KLHL13: variants seen among roughly 807,000 people sequenced by gnomAD.
The protein encoded by KLHL13 is kelch-like protein 13.
KLHL13 carries 10 observed loss-of-function variants against 37.1 expected under a neutral mutation model. The ratio of observed to expected loss-of-function variants is 0.27; its 90% CI spans 0.17 to 0.46. The LOEUF is 0.46. Among genes scored for constraint, KLHL13 ranks in the 20% least tolerant of loss-of-function variants. KLHL13 has a pLI of 1.00. For missense variants in KLHL13, 360 were observed against 509.3 expected (o/e 0.71, Z 2.82); for synonymous variants, 163 against 181.2 (o/e 0.90, Z 0.81).
intron 1 of KLHL13, among the ~76,000 whole-genome samples, chrX:118,060,318 T>C (rs1054023772): frequency 9.0e-6 from 1 of 111,192 alleles, no homozygotes; most frequent in African/African-American, 3.3e-5. Context: ...TACTATGACT[T>C]TGTAAAGTGT....
chrX:118,017,492 T>C, intron 1 of KLHL13, among the ~76,000 whole-genome samples: 1 of 111,520 alleles, frequency 9.0e-6, no homozygotes, highest in East Asian at 2.8e-4. Context: ...AATTGGTTAT[T>C]GCAGGACGTC....
At chrX:117,963,533 T>G (rs973934116) in intron 1 of KLHL13, among the ~76,000 whole-genome samples, 1 of 109,136 alleles carries the variant, frequency 9.2e-6, no homozygotes, top group Non-Finnish European at 1.9e-5. Flanking sequence ...AACATACGTG[T>G]GCATGTGTCT....
At chrX:117,910,355 A>G (rs894379071) in intron 4 of KLHL13, among the ~76,000 whole-genome samples, 2 of 111,438 alleles carry the variant, frequency 1.8e-5, no homozygotes, top group African/African-American at 3.3e-5. Context: ...AAACAATGTT[A>G]TAACTGGAAT....
At chrX:118,097,061 T>A (rs1224771041) in intron 1 of KLHL13, among the ~76,000 whole-genome samples, 2 of 110,864 alleles carry the variant, frequency 1.8e-5, no homozygotes, top group East Asian at 2.8e-4. Context: ...TCAACATAGT[T>A]TTGGAAGTTC....
At chrX:117,961,449 A>C (rs2147859731) in intron 1 of KLHL13, among the ~76,000 whole-genome samples, 1 of 112,153 alleles carries the variant, frequency 8.9e-6, no homozygotes, top group South Asian at 3.7e-4. Context: ...AGATACAACA[A>C]ATGACCTCCT....
chrX:118,073,858 T>C, intron 1 of KLHL13, among the ~76,000 whole-genome samples: 1 of 111,651 alleles, frequency 9.0e-6, no homozygotes, highest in East Asian at 2.8e-4. Flanking sequence ...CCCTCGTATC[T>C]GTCAGGGAGG....
At chrX:117,908,340 C>T (rs1930703707) in intron 5 of KLHL13, among the ~76,000 whole-genome samples, 2 of 108,745 alleles carry the variant, frequency 1.8e-5, no homozygotes, top group Non-Finnish European at 3.8e-5. Context: ...GTTTGCTGCA[C>T]CCATCAACCT....
At position 118,021,240 on chromosome X, in the gene KLHL13, C is replaced by CT. The variant is rs953345910; in HGVS notation, c.-55-75666dup. Among the ~76,000 whole-genome samples, 6 of 105,465 alleles carry CT rather than the reference C, an allele frequency of 5.7e-5. No homozygotes were observed. The East Asian group carries it at 9.1e-4, about 16-fold the overall frequency. 91.6% of individuals were successfully genotyped at this position (105,465 alleles called of 115,157 possible). A position where few individuals can be genotyped will look rare whatever the true frequency, so the allele number is the denominator to read the frequency against. ...ATGTTGTTGTAAATGGCATTATCTC[C>CT]TTTTTTTTTATTATTATACTTTAAG... On this transcript the variant is annotated intron_variant, in intron 1 of 6. Transcript: ENST00000371882.
At chrX:118,115,596 T>C (rs1812134880) in intron 1 of KLHL13, among the ~76,000 whole-genome samples, 1 of 112,424 alleles carries the variant, frequency 8.9e-6, no homozygotes, top group Non-Finnish European at 1.9e-5. Context: ...TGAGCGACTT[T>C]ATCCCAAACC....
intron 6 of KLHL13, among the ~76,000 whole-genome samples, chrX:117,901,053 C>T (rs142156667): frequency 0.053 from 5,942 of 111,258 alleles, 393 homozygotes; most frequent in African/African-American, 0.18. Context: ...GCATAAAATA[C>T]AGATAATCAG....
At chrX:117,964,711 A>AT (rs2147873255) in intron 1 of KLHL13, among the ~76,000 whole-genome samples, 2 of 111,235 alleles carry the variant, frequency 1.8e-5, no homozygotes, top group South Asian at 7.6e-4. Flanking sequence ...AACATTAGGC[A>AT]TATCTCCTAA....
At chrX:117,941,075 T>C (rs1465043230) in intron 2 of KLHL13, among the ~76,000 whole-genome samples, 2 of 111,920 alleles carry the variant, frequency 1.8e-5, no homozygotes, top group African/African-American at 6.5e-5. Flanking sequence ...ATATTGGCTG[T>C]GGGTTTGTCA....
chrX:118,094,542 T>G (rs1206066907), intron 1 of KLHL13, among the ~76,000 whole-genome samples: 1 of 109,331 alleles, frequency 9.1e-6, no homozygotes, highest in African/African-American at 3.3e-5. Context: ...ACAGAGAACG[T>G]CACAAAGATA....
intron 1 of KLHL13, among the ~76,000 whole-genome samples, chrX:118,102,961 C>T (rs747566163): frequency 1.2e-4 from 13 of 112,078 alleles, no homozygotes; most frequent in Non-Finnish European, 1.9e-4. Flanking sequence ...TTATGTGATA[C>T]TTTCTCATTC....
chrX:117,995,090 G>A (rs139035824), intron 1 of KLHL13, among the ~76,000 whole-genome samples: 6,169 of 111,308 alleles, frequency 0.055, 418 homozygotes, highest in African/African-American at 0.19. Flanking sequence ...AAAAATTAAA[G>A]TTAGTTGGCT....
intron 1 of KLHL13, among the ~76,000 whole-genome samples, chrX:118,032,055 A>T (rs1307534699): frequency 9.0e-6 from 1 of 111,595 alleles, no homozygotes; most frequent in African/African-American, 3.3e-5. Context: ...ACAGCGCACC[A>T]GGAGATTATA....
intron 5 of KLHL13, among the ~76,000 whole-genome samples, chrX:117,908,658 A>G (rs1930753937): frequency 8.9e-6 from 1 of 111,775 alleles, no homozygotes; most frequent in African/African-American, 3.2e-5. Flanking sequence ...TTTATGACCA[A>G]TTTTATACTG....
chrX:118,050,474 C>T (rs932651119), intron 1 of KLHL13, among the ~76,000 whole-genome samples: 4 of 111,690 alleles, frequency 3.6e-5, no homozygotes, highest in Non-Finnish European at 1.9e-5. Flanking sequence ...CTTTCAATTT[C>T]ATAATGTTAC....
intron 1 of KLHL13, among the ~76,000 whole-genome samples, chrX:118,056,940 A>C (rs1334451494): frequency 8.9e-6 from 1 of 111,973 alleles, no homozygotes; most frequent in Non-Finnish European, 1.9e-5. Flanking sequence ...CGAGCACTTA[A>C]ATCTATCTAT....
Sources: allele counts gnomAD v4.1 joint callset (sites outside exome capture counted in the v4.1 genomes callset), GRCh38; gene constraint gnomAD v4.1.1; transcripts MANE v1.5; gene names NCBI Gene and HGNC (gene_info 2026-07-23, HGNC 2026-07-21).